The following ATXN7 variants were observed in gnomAD, a reference collection of about 807,000 sequenced individuals.
ATXN7 encodes ataxin-7.
A neutral mutation model predicts 70.5 loss-of-function variants in ATXN7; 12 were observed. The ratio of observed to expected loss-of-function variants is 0.17; its 90% CI spans 0.11 to 0.28. The LOEUF (loss-of-function observed/expected upper bound fraction) is 0.28, where lower values mean the gene tolerates loss of function less well. Among genes scored for constraint, ATXN7 ranks in the 10% least tolerant of loss-of-function variants. The pLI is 1.00. For missense variants in ATXN7, 1,256 were observed against 1,131.7 expected, an observed-to-expected ratio of 1.11 and a Z score of -1.58; for synonymous variants, 498 against 448.7, an observed-to-expected ratio of 1.11 and a Z score of -1.39.
At position 63,879,636 on chromosome 3, in the gene ATXN7, C is replaced by T. The variant is rs536268605; in HGVS notation, c.-111+15478C>T. On this transcript the variant is annotated intron_variant, in intron 1 of 12. Transcript: ENST00000674280. ...CCTCCCGAGTAGCTGGGATTACAGG[C>T]GTGTGCCACCATACCCAGCTAATGT... Among the ~76,000 whole-genome samples the T allele has an allele frequency of 6.6e-5, 10 of 151,862 alleles. No homozygotes were observed. The South Asian group carries it at 1.3e-3, about 19-fold the overall frequency.
At chr3:63,865,156 C>T (rs1219063691) in intron 1 of ATXN7, 1 of 152,180 alleles carries the variant, frequency 6.6e-6, no homozygotes, top group Non-Finnish European at 1.5e-5. Context: ...TGTTTTCCCC[C>T]AGTTCTTTCA....
chr3:63,899,382 T>G (rs529546363), intron 2 of ATXN7, among the ~76,000 whole-genome samples: 32 of 152,078 alleles, frequency 2.1e-4, no homozygotes, highest in Non-Finnish European at 4.4e-4. Flanking sequence ...TGTTTCTCAC[T>G]GCATGTCCAC....
chr3:63,906,258 G>T (rs1326891706), intron 2 of ATXN7, among the ~76,000 whole-genome samples: 2 of 152,230 alleles, frequency 1.3e-5, no homozygotes, highest in Non-Finnish European at 2.9e-5. Context: ...CAGAATGTGG[G>T]AAAGTCAAGG....
At chr3:63,912,490 C>G (rs1225371866) in intron 2 of ATXN7, 98 bp from the exon 3 acceptor site, 1 of 807,566 alleles carries the variant, frequency 1.2e-6, no homozygotes, top group African/African-American at 1.9e-5. Context: ...CGTGCCCCAC[C>G]CGGTCCGCGG....
intron 4 of ATXN7, among the ~76,000 whole-genome samples, chr3:63,936,905 C>T (rs1231038418): frequency 6.7e-6 from 1 of 150,276 alleles, no homozygotes; most frequent in Admixed American, 6.6e-5. Flanking sequence ...GTGGAATATT[C>T]AAGCTTATAG....
intron 8 of ATXN7, 67 bp from the exon 9 acceptor site, chr3:63,987,992 T>G: frequency 6.4e-7 from 1 of 1,573,190 alleles, no homozygotes; most frequent in Non-Finnish European, 8.6e-7. Flanking sequence ...AGTGGTGTTT[T>G]GGGATATAAG....
At chr3:63,874,558 T>C (rs1464248766) in intron 1 of ATXN7, among the ~76,000 whole-genome samples, 2 of 152,170 alleles carry the variant, frequency 1.3e-5, no homozygotes, top group African/African-American at 4.8e-5. Context: ...AGAGGAGATA[T>C]TTTCTCTATT....
chr3:63,955,106 A>G (rs75791679), intron 5 of ATXN7, among the ~76,000 whole-genome samples: 3,606 of 152,278 alleles, frequency 0.024, 77 homozygotes, highest in African/African-American at 0.06. Flanking sequence ...TTGAATGACA[A>G]AGCGTTGGTG....
At chr3:63,929,753 A>G (rs1704871172) in intron 4 of ATXN7, among the ~76,000 whole-genome samples, 1 of 152,104 alleles carries the variant, frequency 6.6e-6, no homozygotes, top group East Asian at 1.9e-4. Context: ...AAAGGACAGA[A>G]CTTTTCATCA....
chr3:63,951,448 A>G (rs1316149127), intron 4 of ATXN7, among the ~76,000 whole-genome samples: 2 of 152,206 alleles, frequency 1.3e-5, no homozygotes, highest in Non-Finnish European at 2.9e-5. Context: ...TTGATCTACT[A>G]AAACTTTTGC....
At chr3:63,972,717 T>A (rs1416983811) in intron 5 of ATXN7, among the ~76,000 whole-genome samples, 2 of 152,232 alleles carry the variant, frequency 1.3e-5, no homozygotes, top group Non-Finnish European at 2.9e-5. Flanking sequence ...GATTTTTAAA[T>A]GAATTCTTAA....
chr3:63,951,590 C>T (rs1218531395), intron 4 of ATXN7, among the ~76,000 whole-genome samples: 1 of 152,208 alleles, frequency 6.6e-6, no homozygotes, highest in African/African-American at 2.4e-5. Flanking sequence ...ACTTTTAGCT[C>T]TGTTCCCCAA....
At chr3:63,950,993 C>A (rs915453236) in intron 4 of ATXN7, among the ~76,000 whole-genome samples, 1 of 151,992 alleles carries the variant, frequency 6.6e-6, no homozygotes, top group Non-Finnish European at 1.5e-5. Context: ...AATTGAATTC[C>A]AGCTATTGAC....
chr3:63,991,542 GAAGGAAGCAGCTGTGTCAAGGTCTTGAGT>G (rs2075671905), intron 11 of ATXN7, among the ~76,000 whole-genome samples: 2 of 152,158 alleles, frequency 1.3e-5, no homozygotes, highest in African/African-American at 4.8e-5. Flanking sequence ...GTTCTGGGCA[GAAGGAAGCAGCTGTGTCAAGGTCTTGAGT>G]CAGAAAAGAC....
intron 4 of ATXN7, among the ~76,000 whole-genome samples, chr3:63,930,483 CAG>C (rs1553688195): frequency 3.3e-5 from 5 of 152,108 alleles, no homozygotes; most frequent in Non-Finnish European, 1.5e-5. Flanking sequence ...GAGAGAAGTC[CAG>C]AGTGGAAGAA....
At chr3:63,998,559 A>G in intron 12 of ATXN7, 1 of 985,356 alleles carries the variant, frequency 1.0e-6, no homozygotes, top group Non-Finnish European at 1.2e-6. Flanking sequence ...AAAATCAGTT[A>G]AAATCAGTTT....
intron 4 of ATXN7, among the ~76,000 whole-genome samples, chr3:63,929,563 G>T (rs1413225458): frequency 5.9e-5 from 9 of 152,098 alleles, no homozygotes; most frequent in Admixed American, 5.9e-4. Context: ...GAGCCACTGC[G>T]CCCGGCCTGC....
intron 11 of ATXN7, 117 bp downstream of exon 11, chr3:63,990,976 G>T: frequency 4.0e-6 from 6 of 1,486,616 alleles, no homozygotes; most frequent in East Asian, 2.3e-5. Flanking sequence ...CTGGCCTTTG[G>T]CCCTGAGAAG....
chr3:63,874,799 T>A (rs1702702382), intron 1 of ATXN7, among the ~76,000 whole-genome samples: 1 of 152,224 alleles, frequency 6.6e-6, no homozygotes. Context: ...GTGACGTTGG[T>A]GTGTGTCTTA....
Sources: allele counts gnomAD v4.1 joint callset (sites outside exome capture counted in the v4.1 genomes callset), GRCh38; gene constraint gnomAD v4.1.1; transcripts MANE v1.5; gene names NCBI Gene and HGNC (gene_info 2026-07-23, HGNC 2026-07-21).